The following SIPA1L2 variants were observed in gnomAD, a reference collection of about 807,000 sequenced individuals.
SIPA1L2 encodes the protein signal induced proliferation associated 1 like 2.
SIPA1L2 carries 56 observed loss-of-function variants against 163.9 expected under a neutral mutation model. The observed-to-expected ratio is 0.34, with a 90% CI of 0.28 to 0.43. The LOEUF (loss-of-function observed/expected upper bound fraction) is 0.43. SIPA1L2 is among the 20% of genes least tolerant of loss of function. The pLI is 1.00. For synonymous variants in SIPA1L2, 877 were observed against 865.7 expected (o/e 1.01, Z -0.23); for missense variants, 1,974 against 2,193.5 (o/e 0.90, Z 2.00).
intron 2 of SIPA1L2, among the ~76,000 whole-genome samples, chr1:232,524,209 G>A (rs1573025001): frequency 6.6e-6 from 1 of 152,214 alleles, no homozygotes; most frequent in East Asian, 1.9e-4. Flanking sequence ...TATGAAAGAT[G>A]AATGAAAGAG....
At chr1:232,549,013 G>T (rs1225722734) in intron 2 of SIPA1L2, among the ~76,000 whole-genome samples, 1 of 152,190 alleles carries the variant, frequency 6.6e-6, no homozygotes, top group African/African-American at 2.4e-5. Context: ...CTGAAAAAGG[G>T]GATTCTGCAA....
chr1:232,443,143 CT>C (rs1663002615), intron 12 of SIPA1L2, among the ~76,000 whole-genome samples: 1 of 152,216 alleles, frequency 6.6e-6, no homozygotes, highest in Non-Finnish European at 1.5e-5. Context: ...CACAGAAGTC[CT>C]CAGGCTCTGC....
At chr1:232,487,128 G>A (rs999949765) in intron 5 of SIPA1L2, among the ~76,000 whole-genome samples, 4 of 152,164 alleles carry the variant, frequency 2.6e-5, no homozygotes, top group African/African-American at 7.2e-5. Context: ...CTGACAGCTG[G>A]ACACACATAC....
At chr1:232,405,641 A>T (rs944988504) in intron 19 of SIPA1L2, among the ~76,000 whole-genome samples, 1 of 152,184 alleles carries the variant, frequency 6.6e-6, no homozygotes, top group Non-Finnish European at 1.5e-5. Flanking sequence ...ATCACATTTT[A>T]AAAAATCTTT....
chr1:232,477,094 C>T (rs377242527), intron 7 of SIPA1L2, among the ~76,000 whole-genome samples: 6 of 152,174 alleles, frequency 3.9e-5, no homozygotes, highest in African/African-American at 1.4e-4. Context: ...CCCCAGATTG[C>T]AAGTGGCATT....
intron 21 of SIPA1L2, 71 bp downstream of exon 21, chr1:232,403,377 G>A (rs1309923162): frequency 6.4e-7 from 1 of 1,565,592 alleles, no homozygotes; most frequent in East Asian, 2.3e-5. Flanking sequence ...CTCAGGGTTA[G>A]TCGGTTAGCC....
At chr1:232,605,481 G>T (rs769152701) in intron 1 of SIPA1L2, among the ~76,000 whole-genome samples, 1 of 152,172 alleles carries the variant, frequency 6.6e-6, no homozygotes, top group Admixed American at 6.5e-5. Flanking sequence ...GATCACCTGC[G>T]GTCAGGAATT....
chr1:232,405,955 C>T (rs1195325017), intron 19 of SIPA1L2, among the ~76,000 whole-genome samples: 1 of 152,130 alleles, frequency 6.6e-6, no homozygotes, highest in Non-Finnish European at 1.5e-5. Context: ...TAGGGAGAAA[C>T]AGGGTCCTAC....
chr1:232,495,092 G>GA (rs1256874843), intron 3 of SIPA1L2, among the ~76,000 whole-genome samples: 2 of 152,158 alleles, frequency 1.3e-5, no homozygotes, highest in Non-Finnish European at 2.9e-5. Flanking sequence ...ATCAGCAAAG[G>GA]AAAACAGCAC....
intron 1 of SIPA1L2, among the ~76,000 whole-genome samples, chr1:232,581,027 C>CA (rs1220504449): frequency 3.9e-5 from 6 of 152,268 alleles, no homozygotes; most frequent in African/African-American, 1.4e-4. Flanking sequence ...ATGGAGTCTG[C>CA]ATCCTTCCTG....
chr1:232,533,036 A>G (rs1271362070), intron 2 of SIPA1L2, among the ~76,000 whole-genome samples: 1 of 152,190 alleles, frequency 6.6e-6, no homozygotes, highest in East Asian at 1.9e-4. Flanking sequence ...TCTAGAACTG[A>G]CAGAGGGCAT....
At chr1:232,435,885 C>T (rs903314658) in intron 15 of SIPA1L2, among the ~76,000 whole-genome samples, 2 of 152,170 alleles carry the variant, frequency 1.3e-5, no homozygotes, top group African/African-American at 4.8e-5. Context: ...TAAGTCCTCC[C>T]TTTGCCTCCT....
At chr1:232,449,702 C>T (rs1200983370) in intron 10 of SIPA1L2, among the ~76,000 whole-genome samples, 2 of 151,564 alleles carry the variant, frequency 1.3e-5, no homozygotes, top group African/African-American at 2.4e-5. Context: ...CAGAGAGTAC[C>T]GAGCCCAATG....
In SIPA1L2 at chr1:232,513,943, G is replaced by T; in HGVS notation, c.1397C>A (p.Pro466His). 2 of 1,614,184 alleles carry T rather than the reference G, an allele frequency of 1.2e-6. No homozygotes were observed. Among genetic ancestry groups the T allele is most frequent in the Non-Finnish European group, 1.7e-6 (2 of 1,180,044 alleles). The change falls in exon 3 of 23, where the codon CCT becomes CAT. Residue 466 changes from proline (P) to histidine (H), a missense_variant. Around this residue, in one of 3 missense-constraint regions of SIPA1L2, gnomAD observed 607 missense variants for 624.0 expected, o/e 0.97. Transcript: ENST00000674635. ...SVLEVPRENQ[P>H]IHREKVKRYI... ...GCGCTTCACTTTCTCCCTGTGAATAGGCTGGTTTTCTCTGGGCACTTCCAA... is the reference window on the plus strand; with the variant it reads ...GCGCTTCACTTTCTCCCTGTGAATATGCTGGTTTTCTCTGGGCACTTCCAA...
chr1:232,591,825 C>T (rs972294828), intron 1 of SIPA1L2, among the ~76,000 whole-genome samples: 7 of 152,128 alleles, frequency 4.6e-5, no homozygotes, highest in African/African-American at 7.2e-5. Context: ...CAGTTTATCC[C>T]AGCCCAAGAG....
At chr1:232,602,476 G>A (rs1661653949) in intron 1 of SIPA1L2, among the ~76,000 whole-genome samples, 1 of 152,074 alleles carries the variant, frequency 6.6e-6, no homozygotes, top group Non-Finnish European at 1.5e-5. Context: ...GATTACAGGT[G>A]CACGCCACCA....
chr1:232,572,393 G>C (rs376243352), intron 2 of SIPA1L2, among the ~76,000 whole-genome samples: 2 of 151,982 alleles, frequency 1.3e-5, no homozygotes, highest in African/African-American at 4.8e-5. Flanking sequence ...TTTTACTTCC[G>C]CATCAGAATT....
chr1:232,587,264 A>AG (rs1224723834), intron 1 of SIPA1L2, among the ~76,000 whole-genome samples: 1 of 152,160 alleles, frequency 6.6e-6, no homozygotes. Flanking sequence ...AGCCCCAGTC[A>AG]AAGTGCCACA....
intron 3 of SIPA1L2, among the ~76,000 whole-genome samples, chr1:232,496,486 CAT>C (rs1249247050): frequency 6.8e-6 from 1 of 146,708 alleles, no homozygotes; most frequent in Admixed American, 7.0e-5. Flanking sequence ...CTATTACAAA[CAT>C]AAAAAGCTCC....
Sources: allele counts gnomAD v4.1 joint callset (sites outside exome capture counted in the v4.1 genomes callset), GRCh38; gene constraint gnomAD v4.1.1; regional missense constraint gnomAD v4.1.1; transcripts MANE v1.5; gene names NCBI Gene and HGNC (gene_info 2026-07-23, HGNC 2026-07-21).